The following SGCG variants were observed in gnomAD, a reference collection of about 807,000 sequenced individuals.
SGCG encodes the protein gamma-sarcoglycan.
A neutral mutation model predicts 29.3 loss-of-function variants in SGCG; 26 were observed. The ratio of observed to expected loss-of-function variants is 0.89; its 90% confidence interval spans 0.65 to 1.23. The LOEUF is 1.23. Ranked by LOEUF, SGCG falls within the 50% of genes most tolerant of loss-of-function variation. SGCG has a pLI of 0.00. For synonymous variants in SGCG, 145 were observed against 129.7 expected, an observed-to-expected ratio of 1.12 and a Z score of -0.80; for missense variants, 353 against 356.0, an observed-to-expected ratio of 0.99 and a Z score of 0.07.
intron 5 of SGCG, among the ~76,000 whole-genome samples, chr13:23,293,677 A>G (rs1243722832): frequency 6.6e-6 from 1 of 152,106 alleles, no homozygotes; most frequent in Non-Finnish European, 1.5e-5. Context: ...CTAAAAATAC[A>G]AAATATTAGC....
chr13:23,293,076 A>C (rs1195249351), intron 5 of SGCG, among the ~76,000 whole-genome samples: 1 of 152,208 alleles, frequency 6.6e-6, no homozygotes, highest in African/African-American at 2.4e-5. Context: ...CTAAAATTTG[A>C]CTGGCAACAT....
At chr13:23,285,017 G>A (rs9580594) in intron 5 of SGCG, among the ~76,000 whole-genome samples, 65,897 of 151,958 alleles carry the variant, frequency 0.43, 15,132 homozygotes, top group Middle Eastern at 0.65. Context: ...GATGCCAGGC[G>A]GAGCTCTCCT....
intron 2 of SGCG, among the ~76,000 whole-genome samples, chr13:23,229,458 GC>G (rs1195519293): frequency 2.6e-5 from 4 of 152,170 alleles, no homozygotes; most frequent in African/African-American, 9.7e-5. Context: ...AACCTCACCA[GC>G]ATCTATTATT....
At chr13:23,170,964 C>A in the SGCG span, among the ~76,000 whole-genome samples, 491 of 152,272 alleles carry the variant, frequency 3.2e-3, 2 homozygotes, top group African/African-American at 0.011. Flanking sequence ...GAAAGCTAAA[C>A]TATAAAGAAA....
intron 6 of SGCG, among the ~76,000 whole-genome samples, chr13:23,298,748 A>T (rs1422504947): frequency 6.6e-6 from 1 of 152,234 alleles, no homozygotes; most frequent in African/African-American, 2.4e-5. Flanking sequence ...ATGTCAATTT[A>T]AAAAATATAT....
At chr13:23,254,179 G>C in intron 4 of SGCG, among the ~76,000 whole-genome samples, 1 of 152,310 alleles carries the variant, frequency 6.6e-6, no homozygotes, top group East Asian at 1.9e-4. Flanking sequence ...GGAGGGCTCA[G>C]ACAGGAAGAT....
intron 2 of SGCG, among the ~76,000 whole-genome samples, chr13:23,213,017 G>A (rs1223368394): frequency 1.3e-5 from 2 of 152,126 alleles, no homozygotes; most frequent in Non-Finnish European, 2.9e-5. Flanking sequence ...GAAGCAAAAG[G>A]AGTATGCCTG....
intron 6 of SGCG, among the ~76,000 whole-genome samples, chr13:23,299,456 A>ATTTTTTTTTTTTTTTTT (rs71100168): frequency 4.8e-5 from 2 of 41,542 alleles, no homozygotes; most frequent in Non-Finnish European, 9.6e-5. Context: ...ATATATATAT[A>ATTTTTTTTTTTTTTTTT]TTTTTTTTTT....
intron 1 of SGCG, among the ~76,000 whole-genome samples, chr13:23,193,662 C>T (rs73168638): frequency 0.032 from 4,925 of 152,180 alleles, 152 homozygotes; most frequent in East Asian, 0.18. Context: ...AATTACGTTA[C>T]TTTTTAACAA....
chr13:23,212,661 T>C (rs147064037), intron 2 of SGCG, among the ~76,000 whole-genome samples: 1 of 152,244 alleles, frequency 6.6e-6, no homozygotes, highest in East Asian at 1.9e-4. Flanking sequence ...AGACAGGATG[T>C]GAAAGCATGG....
chr13:23,186,078 C>A (rs1471355178), intron 1 of SGCG, among the ~76,000 whole-genome samples: 1 of 152,144 alleles, frequency 6.6e-6, no homozygotes, highest in Non-Finnish European at 1.5e-5. Context: ...ACTTACCCAT[C>A]CTTTTTCCCT....
At chr13:23,222,142 G>A (rs1878695602) in intron 2 of SGCG, among the ~76,000 whole-genome samples, 1 of 152,086 alleles carries the variant, frequency 6.6e-6, no homozygotes, top group African/African-American at 2.4e-5. Flanking sequence ...CTTATGAAGG[G>A]CCGTCGATTG....
rs552655738 is a variant in SGCG, at chr13:23,233,620, A to G, written c.196-991A>G. On this transcript the variant is annotated intron_variant, in intron 2 of 7. Transcript: ENST00000218867. Reference sequence around the variant, plus strand: ...TGATTGGTGGTGATGGTCACACAACATCACAAAGGTACTTAATAGCACAGA... The same window carrying G: ...TGATTGGTGGTGATGGTCACACAACGTCACAAAGGTACTTAATAGCACAGA... 1.4e-4 allele frequency among the ~76,000 whole-genome samples: 21 copies of G among 152,324 alleles called. No individual in the cohort carries two copies. In the South Asian group the frequency reaches 1.4e-3, roughly 11 times the overall value.
intron 4 of SGCG, among the ~76,000 whole-genome samples, chr13:23,274,403 T>C (rs1222423742): frequency 7.5e-6 from 1 of 134,046 alleles, no homozygotes; most frequent in South Asian, 2.6e-4. Context: ...CTCTTTTTTT[T>C]TTTTTTTTTT....
At chr13:23,324,009 T>C (rs1252693700) in intron 7 of SGCG, among the ~76,000 whole-genome samples, 1 of 152,180 alleles carries the variant, frequency 6.6e-6, no homozygotes, top group African/African-American at 2.4e-5. Context: ...AAAGGCGTTT[T>C]GAGAAGCATA....
chr13:23,270,140 C>T (rs1410237247), intron 4 of SGCG, among the ~76,000 whole-genome samples: 2 of 152,160 alleles, frequency 1.3e-5, no homozygotes, highest in African/African-American at 4.8e-5. Context: ...TCCCAAAGTG[C>T]TGGGATTACA....
chr13:23,320,108 T>C (rs1410000394), intron 6 of SGCG, among the ~76,000 whole-genome samples: 1 of 152,232 alleles, frequency 6.6e-6, no homozygotes, highest in African/African-American at 2.4e-5. Context: ...ATGCATGTGT[T>C]GTCCTTAAAT....
At chr13:23,310,376 G>A (rs113020969) in intron 6 of SGCG, among the ~76,000 whole-genome samples, 27,104 of 152,004 alleles carry the variant, frequency 0.18, 2,598 homozygotes, top group Non-Finnish European at 0.2. Context: ...GTGAGCCACC[G>A]CGCCGGGCCT....
At chr13:23,282,170 T>TC (rs1427552058) in intron 5 of SGCG, among the ~76,000 whole-genome samples, 1 of 152,152 alleles carries the variant, frequency 6.6e-6, no homozygotes, top group Non-Finnish European at 1.5e-5. Flanking sequence ...CCATAACTCT[T>TC]CTCAATTTTC....
Sources: gnomAD v4.1 joint callset for allele counts (sites outside exome capture counted in the v4.1 genomes callset) on GRCh38, gnomAD v4.1.1 for gene constraint, MANE v1.5 for transcripts, NCBI Gene and HGNC (gene_info 2026-07-23, HGNC 2026-07-21) for gene names.